The following UBASH3B variants were observed in gnomAD, a reference collection of about 807,000 sequenced individuals.
UBASH3B encodes ubiquitin associated and SH3 domain containing B, also known as ubiquitin-associated and SH3 domain-containing protein B.
Under a neutral mutation model 83.4 loss-of-function variants are expected in UBASH3B, and 37 were observed. The ratio of observed to expected loss-of-function variants is 0.44; its 90% CI spans 0.34 to 0.58. The LOEUF (loss-of-function observed/expected upper bound fraction) is 0.58. Among genes scored for constraint, UBASH3B ranks in the 20% least tolerant of loss-of-function variants. UBASH3B has a pLI of 0.01. For missense variants in UBASH3B, 657 were observed against 827.2 expected (o/e 0.79, Z 2.52); for synonymous variants, 304 against 318.3 (o/e 0.96, Z 0.48).
chr11:122,690,272 C>A (rs1043264937), intron 1 of UBASH3B, among the ~76,000 whole-genome samples: 351 of 116,954 alleles, frequency 3.0e-3, no homozygotes, highest in Non-Finnish European at 5.2e-3. Flanking sequence ...ATATATATAT[C>A]TCCAATTATA....
At chr11:122,705,505 A>C (rs1325919155) in intron 1 of UBASH3B, among the ~76,000 whole-genome samples, 4 of 151,878 alleles carry the variant, frequency 2.6e-5, no homozygotes, top group Non-Finnish European at 4.4e-5. Flanking sequence ...TCCCTCCATT[A>C]CTGACAGTCA....
chr11:122,796,186 C>G lies in UBASH3B; in HGVS notation c.1144C>G (p.Gln382Glu), dbSNP rs779921308. The change falls in exon 8 of 14, where the codon CAG becomes GAG. Residue 382 changes from glutamine (Q) to glutamate (E), a missense_variant. Transcript: ENST00000284273. ...GAGGGTCAACAGCCAGCCCGGCCCCCAGAAGCGATGCCTTTTTGTGTGTCG... is the reference window on the plus strand; with the variant it reads ...GAGGGTCAACAGCCAGCCCGGCCCCGAGAAGCGATGCCTTTTTGTGTGTCG... Reference protein sequence around the residue: ...PLRVNSQPGPQKRCLFVCRHG... With the variant: ...PLRVNSQPGPEKRCLFVCRHG... The G allele has an allele frequency of 1.9e-6, 3 of 1,614,148 alleles. No homozygotes were observed. Among genetic ancestry groups the G allele is most frequent in the African/African-American group, 2.7e-5 (2 of 75,042 alleles).
chr11:122,751,041 T>C lies in UBASH3B; in HGVS notation c.162-25178T>C, dbSNP rs188417808. 3.3e-3 allele frequency among the ~76,000 whole-genome samples: 506 copies of C among 152,360 alleles called. 5 individuals are homozygous for C. Among genetic ancestry groups the C allele is most frequent in the African/African-American group, 0.011 (477 of 41,590 alleles). On this transcript the variant is annotated intron_variant, in intron 1 of 13. Transcript: ENST00000284273. The stretch of plus-strand genomic sequence containing the variant: ...TTCAGTGCCTGACAAGACGGATGTG[T>C]ACCTGCAGGTAGGCGGAAAGAACCG...
At chr11:122,783,684 C>CTGT (rs1860897336) in intron 5 of UBASH3B, among the ~76,000 whole-genome samples, 1 of 152,018 alleles carries the variant, frequency 6.6e-6, no homozygotes, top group Non-Finnish European at 1.5e-5. Flanking sequence ...GTATCTGTAT[C>CTGT]ATGCAAAGTA....
At chr11:122,800,255 G>A (rs1192719593) in intron 10 of UBASH3B, among the ~76,000 whole-genome samples, 3 of 152,150 alleles carry the variant, frequency 2.0e-5, no homozygotes, top group African/African-American at 7.2e-5. Flanking sequence ...GAGGAATTAT[G>A]GGGGCCAGGC....
At chr11:122,660,669 G>A (rs1863427205) in intron 1 of UBASH3B, among the ~76,000 whole-genome samples, 1 of 152,144 alleles carries the variant, frequency 6.6e-6, no homozygotes, top group South Asian at 2.1e-4. Flanking sequence ...CTGTAGCTTG[G>A]GGCTGATGCT....
At position 122,806,593 on chromosome 11, in the gene UBASH3B, G is replaced by T; in HGVS notation, c.1702+77G>T. On this transcript the variant is annotated intron_variant, in intron 12 of 13. Coordinates refer to ENST00000284273, the MANE Select transcript of UBASH3B (RefSeq NM_032873.5). This position sits in a 1 kb window ranked among gnomAD's most constrained non-coding sequence, Gnocchi z 4.0. Reference sequence around the variant, plus strand: ...TAATGGTTAATAGGTTATTCAAGATGTTTCAACTTGCTTTGGCTAACCAAA... The same window carrying T: ...TAATGGTTAATAGGTTATTCAAGATTTTTCAACTTGCTTTGGCTAACCAAA... 7.1e-7 allele frequency: 1 copy of T among 1,403,948 alleles called. No homozygotes were observed. Among genetic ancestry groups the T allele is most frequent in the South Asian group, 1.7e-5 (1 of 57,206 alleles). 87.0% of individuals were successfully genotyped at this position (1,403,948 alleles called of 1,614,324 possible).
chr11:122,793,177 G>A (rs1399412948), intron 6 of UBASH3B, among the ~76,000 whole-genome samples: 9 of 152,186 alleles, frequency 5.9e-5, no homozygotes, highest in African/African-American at 1.4e-4. Context: ...GAGGTCAGGA[G>A]TTTGAGACCA....
intron 1 of UBASH3B, among the ~76,000 whole-genome samples, chr11:122,721,162 T>G (rs538652484): frequency 6.7e-6 from 1 of 150,212 alleles, no homozygotes; most frequent in East Asian, 2.0e-4. Flanking sequence ...GGAGAATCGC[T>G]TGAACCCGGT....
intron 1 of UBASH3B, among the ~76,000 whole-genome samples, chr11:122,773,775 C>CCATCGGG (rs2135135378): frequency 6.6e-6 from 1 of 152,256 alleles, no homozygotes; most frequent in East Asian, 1.9e-4. Context: ...GTTACAGAGA[C>CCATCGGG]CATCACTTAA....
At chr11:122,659,145 A>T (rs756997223) in intron 1 of UBASH3B, among the ~76,000 whole-genome samples, 4 of 152,170 alleles carry the variant, frequency 2.6e-5, no homozygotes, top group Non-Finnish European at 5.9e-5. Context: ...GCCCACTTGG[A>T]TAATCCAGAG....
intron 1 of UBASH3B, among the ~76,000 whole-genome samples, chr11:122,736,246 A>G (rs1182852794): frequency 6.9e-6 from 1 of 145,976 alleles, no homozygotes; most frequent in Non-Finnish European, 1.5e-5. Flanking sequence ...CTAAAGCCCA[A>G]CTCCCTCTGC....
rs1008850234 is a variant in UBASH3B at position 122,699,145 on chromosome 11, C to T, written c.161+42935C>T. Among the ~76,000 whole-genome samples, 15 of 152,316 alleles carry T rather than the reference C, an allele frequency of 9.8e-5. No individual in the cohort carries two copies. In the East Asian group the frequency reaches 2.5e-3, roughly 26 times the overall value. The stretch of plus-strand genomic sequence containing the variant: ...GATTCCAGGCGTGAGCCACTGCGCC[C>T]GGATTGGGATTATTTTTAAATCTTT... On this transcript the variant is annotated intron_variant, in intron 1 of 13. Coordinates refer to ENST00000284273, the MANE Select transcript of UBASH3B (RefSeq NM_032873.5).
At chr11:122,739,609 C>T (rs930751158) in intron 1 of UBASH3B, among the ~76,000 whole-genome samples, 6 of 152,190 alleles carry the variant, frequency 3.9e-5, no homozygotes, top group African/African-American at 1.4e-4. Context: ...TTTCAGGAGA[C>T]ATAAATTTTC....
intron 4 of UBASH3B, 49 bp downstream of exon 4, chr11:122,779,744 T>C (rs1409979890): frequency 5.0e-6 from 8 of 1,606,226 alleles, no homozygotes; most frequent in Non-Finnish European, 6.8e-6. Flanking sequence ...AATCAAAGAG[T>C]TGGAAAGGAA....
intron 1 of UBASH3B, among the ~76,000 whole-genome samples, chr11:122,744,477 T>C (rs983313179): frequency 6.6e-6 from 1 of 152,086 alleles, no homozygotes; most frequent in Non-Finnish European, 1.5e-5. Context: ...ATCATGTGTG[T>C]GTTACTGTGT....
intron 1 of UBASH3B, among the ~76,000 whole-genome samples, chr11:122,667,367 T>A (rs1863533952): frequency 6.6e-6 from 1 of 152,152 alleles, no homozygotes; most frequent in Admixed American, 6.6e-5. Flanking sequence ...TCTCTCTGTA[T>A]ATGTATGTAT....
Position 122,777,036 on chromosome 11 carries a change from T to G in UBASH3B, c.228T>G (p.His76Gln). The G allele has an allele frequency of 6.2e-7, 1 of 1,608,566 alleles. No homozygotes were observed. Among genetic ancestry groups the G allele is most frequent in the Non-Finnish European group, 8.5e-7 (1 of 1,177,388 alleles). Reference protein sequence around the residue: ...VQAACDWLFSHVGDPFLDDPL... With the variant: ...VQAACDWLFSQVGDPFLDDPL... The stretch of plus-strand genomic sequence containing the variant: ...TTCTGTCTTACAGGTTATTCTCCCA[T>G]GTCGGTGACCCCTTCCTGGATGACC... The change falls in exon 3 of 14, where the codon CAT becomes CAG. Residue 76 changes from histidine to glutamine, a missense_variant. Transcript: ENST00000284273.
intron 1 of UBASH3B, among the ~76,000 whole-genome samples, chr11:122,715,804 A>G (rs916132195): frequency 2.0e-5 from 3 of 152,298 alleles, no homozygotes; most frequent in Middle Eastern, 3.4e-3. Flanking sequence ...TGTAACCACA[A>G]AGAGAGAGGT....
Sources: allele counts gnomAD v4.1 joint callset (sites outside exome capture counted in the v4.1 genomes callset), GRCh38; gene constraint gnomAD v4.1.1; non-coding constraint Gnocchi (gnomAD v3.1); transcripts MANE v1.5; gene names NCBI Gene and HGNC (gene_info 2026-07-23, HGNC 2026-07-21).